The following ASAP1 variants were observed in gnomAD, a reference collection of about 807,000 sequenced individuals.
The protein encoded by ASAP1 is ArfGAP with SH3 domain, ankyrin repeat and PH domain 1.
A neutral mutation model predicts 145.2 loss-of-function variants in ASAP1; 43 were observed. The observed-to-expected ratio is 0.30, with a 90% CI of 0.23 to 0.38. ASAP1 has a LOEUF of 0.38. Among genes scored for constraint, ASAP1 ranks in the 10% least tolerant of loss-of-function variants. The pLI is 1.00. For synonymous variants in ASAP1, 546 were observed against 515.5 expected, an observed-to-expected ratio of 1.06 and a Z score of -0.80; for missense variants, 1,018 against 1,355.3, an observed-to-expected ratio of 0.75 and a Z score of 3.91.
At chr8:130,269,721 G>C (rs1449593552) in intron 3 of ASAP1, among the ~76,000 whole-genome samples, 1 of 152,126 alleles carries the variant, frequency 6.6e-6, no homozygotes, top group Non-Finnish European at 1.5e-5. Flanking sequence ...TAAAGGTCAG[G>C]GTCTCTGGTT....
At chr8:130,216,239 T>C (rs936747726) in intron 4 of ASAP1, among the ~76,000 whole-genome samples, 28 of 152,238 alleles carry the variant, frequency 1.8e-4, no homozygotes, top group African/African-American at 6.8e-4. Context: ...GTCTGAGGAA[T>C]AGTATTTGTA....
At chr8:130,082,970 T>C (rs1487393653) in intron 25 of ASAP1, 7 of 152,158 alleles carry the variant, frequency 4.6e-5, no homozygotes, top group Admixed American at 1.3e-4. Context: ...TCAAGGAAAA[T>C]TTTATGTTTG....
intron 3 of ASAP1, among the ~76,000 whole-genome samples, chr8:130,324,808 C>G (rs1349237227): frequency 1.3e-5 from 2 of 152,194 alleles, no homozygotes; most frequent in Admixed American, 1.3e-4. Context: ...ACCATGCACT[C>G]ATTTTTTACA....
chr8:130,317,476 T>A (rs1823734841), intron 3 of ASAP1, among the ~76,000 whole-genome samples: 1 of 151,984 alleles, frequency 6.6e-6, no homozygotes. Flanking sequence ...CCAGATGGAG[T>A]AGTTCAAAGT....
chr8:130,443,376 G>T (rs1830561434), intron 1 of ASAP1, 84 bp downstream of exon 1: 1 of 151,392 alleles, frequency 6.6e-6, no homozygotes, highest in Non-Finnish European at 1.5e-5. Flanking sequence ...CCTTCTTCGC[G>T]CGAGAGACTG....
At chr8:130,196,480 C>T (rs1322754893) in intron 5 of ASAP1, among the ~76,000 whole-genome samples, 2 of 152,266 alleles carry the variant, frequency 1.3e-5, no homozygotes, top group African/African-American at 2.4e-5. Flanking sequence ...CAACAAGCCA[C>T]CCTGTCCTGC....
intron 13 of ASAP1, among the ~76,000 whole-genome samples, chr8:130,144,049 T>C (rs2097620392): frequency 6.6e-6 from 1 of 152,242 alleles, no homozygotes; most frequent in African/African-American, 2.4e-5. Flanking sequence ...CCTATGCTAG[T>C]GTCTGAAAAC....
intron 3 of ASAP1, among the ~76,000 whole-genome samples, chr8:130,338,754 G>A (rs1205583689): frequency 1.3e-5 from 2 of 152,132 alleles, no homozygotes; most frequent in Non-Finnish European, 2.9e-5. Context: ...CATCTCCCCT[G>A]CCACACCAAT....
chr8:130,151,340 C>T lies in ASAP1; in HGVS notation c.1080+1396G>A, dbSNP rs112101235. Among the ~76,000 whole-genome samples the T allele has an allele frequency of 3.4e-3, 418 of 122,342 alleles. 2 individuals are homozygous for T. Among genetic ancestry groups the T allele is most frequent in the African/African-American group, 0.013 (398 of 31,576 alleles). 80.3% of individuals were successfully genotyped at this position (122,342 alleles called of 152,430 possible). A position where few individuals can be genotyped will look rare whatever the true frequency, so the allele number is the denominator to read the frequency against. On this transcript the variant is annotated intron_variant, in intron 13 of 29. Transcript: ENST00000518721. ...GAGCCAAGACTGCACCACTGCACTC[C>T]AGCCTGGGTGAAAGAGCGAGACTCA... is the stretch of plus-strand genomic sequence containing the variant.
chr8:130,251,397 G>A (rs752065997), intron 3 of ASAP1, among the ~76,000 whole-genome samples: 3 of 152,042 alleles, frequency 2.0e-5, no homozygotes, highest in Non-Finnish European at 2.9e-5. Flanking sequence ...AAGCCTGGGC[G>A]ATAGAGTGAG....
intron 25 of ASAP1, among the ~76,000 whole-genome samples, chr8:130,085,727 G>A (rs1592765127): frequency 8.7e-6 from 1 of 114,922 alleles, no homozygotes; most frequent in Non-Finnish European, 1.7e-5. Flanking sequence ...AGAACAAGAC[G>A]TTGTCTTTAA....
intron 2 of ASAP1, among the ~76,000 whole-genome samples, chr8:130,383,522 A>G (rs1468866733): frequency 6.6e-6 from 1 of 152,172 alleles, no homozygotes; most frequent in African/African-American, 2.4e-5. Context: ...CCAGGTACAG[A>G]GTGCTAAGCT....
chr8:130,442,302 T>C (rs1428043976), intron 1 of ASAP1, among the ~76,000 whole-genome samples: 2 of 152,166 alleles, frequency 1.3e-5, no homozygotes, highest in Non-Finnish European at 2.9e-5. Flanking sequence ...CTCCTGGCCA[T>C]GTGATCTTGG....
chr8:130,100,887 G>C (rs2097527647), intron 24 of ASAP1, among the ~76,000 whole-genome samples: 1 of 152,064 alleles, frequency 6.6e-6, no homozygotes, highest in Non-Finnish European at 1.5e-5. Context: ...CTTTTGATGT[G>C]CTACACATAC....
intron 3 of ASAP1, among the ~76,000 whole-genome samples, chr8:130,313,065 C>T (rs1823456429): frequency 6.6e-6 from 1 of 152,156 alleles, no homozygotes; most frequent in Non-Finnish European, 1.5e-5. Flanking sequence ...GTTTTTAATA[C>T]TTTAGGTTTT....
At chr8:130,391,745 A>T (rs6993944) in intron 2 of ASAP1, among the ~76,000 whole-genome samples, 5,039 of 152,326 alleles carry the variant, frequency 0.033, 107 homozygotes, top group African/African-American at 0.064. Context: ...TCAGTCCAAT[A>T]CAGTAAATGT....
chr8:130,159,495 G>A (rs967617876), intron 12 of ASAP1, among the ~76,000 whole-genome samples: 7 of 149,630 alleles, frequency 4.7e-5, no homozygotes, highest in Non-Finnish European at 1.0e-4. Context: ...GGTGGCAGGC[G>A]CCTGCAGTCC....
intron 3 of ASAP1, among the ~76,000 whole-genome samples, chr8:130,326,656 C>G (rs932758065): frequency 2.6e-5 from 4 of 152,192 alleles, no homozygotes; most frequent in African/African-American, 9.6e-5. Context: ...GAGAAAACAC[C>G]AGCAACAACA....
chr8:130,348,701 TTTTGC>T (rs1410280944), intron 3 of ASAP1, among the ~76,000 whole-genome samples: 2 of 152,298 alleles, frequency 1.3e-5, no homozygotes, highest in Admixed American at 6.5e-5. Flanking sequence ...GAGAGATCTC[TTTTGC>T]TTTAAGGCTC....
Sources: allele counts gnomAD v4.1 joint callset (sites outside exome capture counted in the v4.1 genomes callset), GRCh38; gene constraint gnomAD v4.1.1; transcripts MANE v1.5; gene names NCBI Gene and HGNC (gene_info 2026-07-23, HGNC 2026-07-21).